Variants in CBFB observed in about 807,000 individuals in gnomAD.
CBFB encodes the protein CBF-beta.
A neutral mutation model predicts 30.4 loss-of-function variants in CBFB; 9 were observed. The observed-to-expected ratio is 0.30, with a 90% CI of 0.18 to 0.52. CBFB has a LOEUF of 0.52. Ranked by LOEUF, CBFB falls within the 20% of genes least tolerant of loss-of-function variation. The probability of loss-of-function intolerance (pLI) is 0.97; values close to 1 mark genes in which losing one functional copy is unlikely to be tolerated. For synonymous variants in CBFB, 94 were observed against 84.0 expected, an observed-to-expected ratio of 1.12 and a Z score of -0.65; for missense variants, 170 against 244.0, an observed-to-expected ratio of 0.70 and a Z score of 2.02.
At chr16:67,085,583 C>T (rs1961702728) in intron 5 of CBFB, among the ~76,000 whole-genome samples, 2 of 151,994 alleles carry the variant, frequency 1.3e-5, no homozygotes, top group African/African-American at 2.4e-5. Flanking sequence ...TAGCCTCAAC[C>T]TCGTGGGCTC....
chr16:67,043,644 T>G (rs1378848724), intron 3 of CBFB, among the ~76,000 whole-genome samples: 3 of 152,208 alleles, frequency 2.0e-5, no homozygotes, highest in Admixed American at 2.0e-4. Context: ...GTCAAGACAG[T>G]CATAACTATT....
chr16:67,099,552 A>G lies in CBFB; in HGVS notation c.*774A>G, dbSNP rs1238732564. On this transcript the variant is annotated 3_prime_UTR_variant, in exon 6 of 6. Coordinates refer to ENST00000412916, the MANE Select transcript of CBFB (RefSeq NM_022845.3). ...TACAGGCTCTTTCTTTTTAAACATA[A>G]AAGTTTTAAATTGGTATTAACTCTG... The G allele has an allele frequency of 9.9e-6, 2 of 201,018 alleles. No individual in the cohort carries two copies. The highest frequency in any genetic ancestry group is 2.3e-5 in the African/African-American group (1 of 43,486). The allele number at this position is 201,018 out of a possible 1,614,324, so 12.5% of individuals were successfully genotyped here. A position where few individuals can be genotyped will look rare whatever the true frequency, so the allele number is the denominator to read the frequency against.
At chr16:67,061,540 A>G (rs1960910698) in intron 3 of CBFB, among the ~76,000 whole-genome samples, 1 of 152,202 alleles carries the variant, frequency 6.6e-6, no homozygotes, top group African/African-American at 2.4e-5. Flanking sequence ...TAAAATGCCA[A>G]ACTGTTGAGA....
intron 3 of CBFB, among the ~76,000 whole-genome samples, chr16:67,063,108 T>C (rs1960956819): frequency 6.6e-6 from 1 of 152,114 alleles, no homozygotes; most frequent in Admixed American, 6.5e-5. Flanking sequence ...ATAAGGGGTA[T>C]TGTTTTTAGG....
chr16:67,082,995 C>G (rs1744453448), intron 5 of CBFB, among the ~76,000 whole-genome samples: 1 of 152,054 alleles, frequency 6.6e-6, no homozygotes. Flanking sequence ...AAACTTTGAG[C>G]CTGAGCAACT....
In CBFB at chr16:67,085,607, T is replaced by C. The variant is rs1309066786; in HGVS notation, c.495+3299T>C. Among the ~76,000 whole-genome samples, 6 of 147,782 alleles carry C rather than the reference T, an allele frequency of 4.1e-5. No individual in the cohort carries two copies. The East Asian group carries it at 1.2e-3, about 30-fold the overall frequency. On this transcript the variant is annotated intron_variant, in intron 5 of 5. Coordinates refer to ENST00000412916, the MANE Select transcript of CBFB (RefSeq NM_022845.3). ...CCTCGTGGGCTCAAGCAGTTCTCCC[T>C]CCTTGACCTCCCAAAGTGCTGGGAT...
chr16:67,044,511 T>C (rs1966588731), intron 3 of CBFB, among the ~76,000 whole-genome samples: 1 of 152,186 alleles, frequency 6.6e-6, no homozygotes, highest in Non-Finnish European at 1.5e-5. Flanking sequence ...TTTTAAAAAT[T>C]TTGATAAGTT....
chr16:67,089,360 T>G (rs1961819374), intron 5 of CBFB, among the ~76,000 whole-genome samples: 1 of 152,134 alleles, frequency 6.6e-6, no homozygotes, highest in Admixed American at 6.6e-5. Context: ...AACTAGAAAC[T>G]ATGGGGGAGA....
chr16:67,046,251 C>A (rs941678873), intron 3 of CBFB, among the ~76,000 whole-genome samples: 3 of 152,068 alleles, frequency 2.0e-5, no homozygotes, highest in African/African-American at 7.2e-5. Flanking sequence ...GAACCACAGG[C>A]ACGCGCCACC....
intron 4 of CBFB, among the ~76,000 whole-genome samples, chr16:67,079,004 T>C (rs746358857): frequency 3.9e-5 from 6 of 152,210 alleles, no homozygotes; most frequent in Non-Finnish European, 8.8e-5. Context: ...AGTTGATACC[T>C]AAGTGCATAG....
rs1338099217 is a variant in CBFB, at chr16:67,029,291, G to A, written c.-117G>A. On this transcript the variant is annotated 5_prime_UTR_variant, in exon 1 of 6. Transcript: ENST00000412916. ...CACGCGGGCGGGCGCCTGAAACAAA[G>A]GGAAGCGGGCGTCCGGGCGCCGCGG... is the stretch of plus-strand genomic sequence containing the variant. 2.1e-5 allele frequency: 13 copies of A among 624,716 alleles called. No individual in the cohort carries two copies. In the Admixed American group the frequency reaches 2.4e-4, roughly 11 times the overall value. 38.7% of individuals were successfully genotyped at this position (624,716 alleles called of 1,614,324 possible). A position where few individuals can be genotyped will look rare whatever the true frequency, so the allele number is the denominator to read the frequency against.
intron 3 of CBFB, among the ~76,000 whole-genome samples, chr16:67,059,969 TTTC>T (rs1960846897): frequency 2.0e-5 from 3 of 148,960 alleles, no homozygotes; most frequent in African/African-American, 7.8e-5. Flanking sequence ...TCTTTCTTTC[TTTC>T]TTTCTTTTTT....
At chr16:67,070,004 A>C (rs146713631) in intron 4 of CBFB, among the ~76,000 whole-genome samples, 36 of 152,220 alleles carry the variant, frequency 2.4e-4, no homozygotes, top group African/African-American at 8.7e-4. Flanking sequence ...AAACAAAGAA[A>C]ATGTAAAAGC....
At chr16:67,057,434 T>A (rs1199212473) in intron 3 of CBFB, among the ~76,000 whole-genome samples, 1 of 152,182 alleles carries the variant, frequency 6.6e-6, no homozygotes, top group East Asian at 1.9e-4. Context: ...TTTTTTTACA[T>A]CTTTGATTAA....
At chr16:67,046,003 C>T (rs370018728) in intron 3 of CBFB, among the ~76,000 whole-genome samples, 2 of 152,098 alleles carry the variant, frequency 1.3e-5, no homozygotes, top group East Asian at 3.9e-4. Flanking sequence ...ACCATTTTGG[C>T]CAGGCTGGTC....
At position 67,029,211 on chromosome 16, in the gene CBFB, G is replaced by C; in HGVS notation, c.-197G>C. On this transcript the variant is annotated 5_prime_UTR_variant, in exon 1 of 6. Transcript: ENST00000412916. ...TGAGGCGGCGGCGGCGGCGGCGGCGGCGTGGGTTGGGCTCGAGCGGGCGGC... is the reference window on the plus strand; with the variant it reads ...TGAGGCGGCGGCGGCGGCGGCGGCGCCGTGGGTTGGGCTCGAGCGGGCGGC... 1 of 253,824 alleles carries C rather than the reference G, an allele frequency of 3.9e-6. No individual in the cohort carries two copies. The highest frequency in any genetic ancestry group is 7.1e-6 in the Non-Finnish European group (1 of 141,186). The allele number at this position is 253,824 out of a possible 1,614,324, so 15.7% of individuals were successfully genotyped here. A position where few individuals can be genotyped will look rare whatever the true frequency, so the allele number is the denominator to read the frequency against.
At chr16:67,074,594 G>A (rs1054839610) in intron 4 of CBFB, among the ~76,000 whole-genome samples, 2 of 151,888 alleles carry the variant, frequency 1.3e-5, no homozygotes, top group Non-Finnish European at 2.9e-5. Flanking sequence ...TGTTGGCCAC[G>A]CTGGTCTCGA....
Position 67,066,810 on chromosome 16 carries a change from T to C in CBFB, c.399+12T>C. 1.4e-6 allele frequency: 2 copies of C among 1,464,988 alleles called. No homozygotes were observed. Among genetic ancestry groups the C allele is most frequent in the Admixed American group, 1.7e-5 (1 of 59,528 alleles). The allele number at this position is 1,464,988 out of a possible 1,614,324, so 90.7% of individuals were successfully genotyped here. ...AGGAGCGAGCCCAGGTAGGGTAACA[T>C]CAGGCTTTATTGAGCATGGTCCCTT... On this transcript the variant is annotated intron_variant, in intron 4 of 5. Transcript: ENST00000412916.
chr16:67,063,164 T>G (rs1340652483), intron 3 of CBFB, among the ~76,000 whole-genome samples: 1 of 152,168 alleles, frequency 6.6e-6, no homozygotes, highest in Non-Finnish European at 1.5e-5. Flanking sequence ...CTTGTTTGAT[T>G]TGATGCACAT....
Sources: gnomAD v4.1 joint callset for allele counts (sites outside exome capture counted in the v4.1 genomes callset) on GRCh38, gnomAD v4.1.1 for gene constraint, MANE v1.5 for transcripts, NCBI Gene and HGNC (gene_info 2026-07-23, HGNC 2026-07-21) for gene names.